HDAC9: variants seen among roughly 807,000 people sequenced by gnomAD.
HDAC9 encodes the protein MEF-2 interacting transcription repressor (MITR) protein.
HDAC9 carries 41 observed loss-of-function variants against 139.4 expected under a neutral mutation model. The ratio of observed to expected loss-of-function variants is 0.29; its 90% CI spans 0.23 to 0.38. The LOEUF is 0.38. Ranked by LOEUF, HDAC9 falls within the 10% of genes least tolerant of loss-of-function variation. The pLI, the probability that HDAC9 is intolerant of heterozygous loss-of-function variation, is 1.00. For synonymous variants in HDAC9, 517 were observed against 476.2 expected (o/e 1.09, Z -1.12); for missense variants, 1,147 against 1,297.0 (o/e 0.88, Z 1.78).
chr7:18,431,255 G>A (rs981997748), intron 1 of HDAC9, among the ~76,000 whole-genome samples: 11 of 152,248 alleles, frequency 7.2e-5, no homozygotes, highest in Middle Eastern at 3.4e-3. Context: ...GTAATGATGC[G>A]AAATAATATA....
At chr7:18,518,056 G>T (rs1051282098) in intron 2 of HDAC9, 3 of 152,058 alleles carry the variant, frequency 2.0e-5, no homozygotes, top group Admixed American at 6.5e-5. Context: ...AATGTTATGA[G>T]AAATTTTCAC....
intron 2 of HDAC9, among the ~76,000 whole-genome samples, chr7:18,215,034 T>C (rs1239182578): frequency 6.6e-6 from 1 of 152,170 alleles, no homozygotes; most frequent in Admixed American, 6.6e-5. Context: ...GGGCTTATGC[T>C]GTTTGTTAGC....
chr7:18,626,922 G>A (rs779665585), intron 6 of HDAC9, among the ~76,000 whole-genome samples: 77 of 152,246 alleles, frequency 5.1e-4, no homozygotes, highest in Non-Finnish European at 5.1e-4. Flanking sequence ...ATTAGGAGAG[G>A]GAGGAGGACA....
chr7:18,844,250 C>T (rs927971849), intron 21 of HDAC9, among the ~76,000 whole-genome samples: 2 of 152,132 alleles, frequency 1.3e-5, no homozygotes, highest in African/African-American at 4.8e-5. Flanking sequence ...CAAAGAGCAG[C>T]ACTACTGTCG....
chr7:18,600,976 G>A (rs1328435495), intron 6 of HDAC9, among the ~76,000 whole-genome samples: 1 of 152,012 alleles, frequency 6.6e-6, no homozygotes, highest in Non-Finnish European at 1.5e-5. Flanking sequence ...GCTAATTTTT[G>A]TATTTTTCGT....
chr7:18,781,772 G>A (rs907774496), intron 16 of HDAC9, among the ~76,000 whole-genome samples: 1 of 151,948 alleles, frequency 6.6e-6, no homozygotes, highest in Non-Finnish European at 1.5e-5. Context: ...GGTGGGAAAA[G>A]GTAATTATTT....
intron 1 of HDAC9, among the ~76,000 whole-genome samples, chr7:18,157,317 C>T (rs921870877): frequency 6.6e-6 from 1 of 151,956 alleles, no homozygotes; most frequent in Non-Finnish European, 1.5e-5. Context: ...GGAGTAATCA[C>T]AGATTGCCTG....
At chr7:18,534,621 C>A (rs1013891027) in intron 2 of HDAC9, among the ~76,000 whole-genome samples, 2 of 152,116 alleles carry the variant, frequency 1.3e-5, no homozygotes, top group Non-Finnish European at 2.9e-5. Flanking sequence ...CCTTATGAGT[C>A]GTTAGGTGTC....
In HDAC9 at chr7:18,154,482, A is replaced by G. The variant is rs1562683298; in HGVS notation, c.-96-7747A>G. On this transcript the variant is annotated intron_variant, in intron 1 of 12. Transcript: ENST00000417496. The stretch of plus-strand genomic sequence containing the variant: ...GAAGTAAAATAAAATTTCTGTAATG[A>G]TAATAACAGCCAATGTTTTTGAGCA... 2.0e-5 allele frequency among the ~76,000 whole-genome samples: 3 copies of G among 152,340 alleles called. No individual in the cohort carries two copies. The South Asian group carries it at 6.2e-4, about 32-fold the overall frequency.
At chr7:18,782,684 T>C (rs1254090830) in intron 16 of HDAC9, among the ~76,000 whole-genome samples, 1 of 132,950 alleles carries the variant, frequency 7.5e-6, no homozygotes, top group Non-Finnish European at 1.6e-5. Flanking sequence ...GAAAGTAATG[T>C]TAGAAGCAAA....
At chr7:18,764,758 A>G (rs1341929344) in intron 15 of HDAC9, among the ~76,000 whole-genome samples, 3 of 152,094 alleles carry the variant, frequency 2.0e-5, no homozygotes, top group East Asian at 1.9e-4. Flanking sequence ...ATCTTACTAC[A>G]TCCCCCAGTT....
chr7:18,947,406 A>G (rs1402091845), intron 23 of HDAC9, among the ~76,000 whole-genome samples: 1 of 151,970 alleles, frequency 6.6e-6, no homozygotes, highest in Non-Finnish European at 1.5e-5. Context: ...TGGGAAAGAA[A>G]AGGAGACTTC....
chr7:18,885,179 C>T (rs944859389), intron 22 of HDAC9, among the ~76,000 whole-genome samples: 10 of 152,192 alleles, frequency 6.6e-5, no homozygotes, highest in Admixed American at 4.6e-4. Context: ...ACAGCCTGGT[C>T]GTCCAGCAGA....
chr7:18,181,526 G>T (rs1387975059), intron 2 of HDAC9, among the ~76,000 whole-genome samples: 1 of 152,238 alleles, frequency 6.6e-6, no homozygotes, highest in Non-Finnish European at 1.5e-5. Flanking sequence ...ATTATGTGTA[G>T]TGTAGCCTGT....
chr7:18,163,630 C>T (rs565790544), intron 2 of HDAC9, among the ~76,000 whole-genome samples: 4 of 152,174 alleles, frequency 2.6e-5, no homozygotes, highest in Non-Finnish European at 5.9e-5. Flanking sequence ...CCAGCCTCTA[C>T]AGACAACCTT....
chr7:18,436,984 T>C (rs976175565), intron 1 of HDAC9, among the ~76,000 whole-genome samples: 6 of 152,192 alleles, frequency 3.9e-5, no homozygotes, highest in Non-Finnish European at 5.9e-5. Context: ...AAGCCAGAGA[T>C]ATTTTGAAGA....
chr7:18,699,724 A>AT (rs1783321108), intron 12 of HDAC9, among the ~76,000 whole-genome samples: 1 of 152,112 alleles, frequency 6.6e-6, no homozygotes, highest in South Asian at 2.1e-4. Context: ...ATATTAAGAT[A>AT]TTCCCCATTG....
At chr7:18,929,745 G>C (rs913386738) in intron 22 of HDAC9, among the ~76,000 whole-genome samples, 1 of 152,032 alleles carries the variant, frequency 6.6e-6, no homozygotes, top group East Asian at 1.9e-4. Flanking sequence ...AGACTATCCT[G>C]GCCAACCAAC....
intron 12 of HDAC9, among the ~76,000 whole-genome samples, chr7:18,693,010 A>G (rs1782780519): frequency 6.6e-6 from 1 of 151,982 alleles, no homozygotes. Context: ...TTAATTTTTT[A>G]TTGTGATAAA....
Sources: allele counts gnomAD v4.1 joint callset (sites outside exome capture counted in the v4.1 genomes callset), GRCh38; gene constraint gnomAD v4.1.1; transcripts MANE v1.5; gene names NCBI Gene and HGNC (gene_info 2026-07-23, HGNC 2026-07-21).